The following RAP1GAP2 variants were observed in gnomAD, a reference collection of about 807,000 sequenced individuals.
RAP1GAP2 encodes the protein RAP1 GTPase activating protein 2.
Under a neutral mutation model 95.0 loss-of-function variants are expected in RAP1GAP2, and 27 were observed. That is an observed-to-expected ratio of 0.28 (90% CI 0.21 to 0.39). The LOEUF (loss-of-function observed/expected upper bound fraction) is 0.39. RAP1GAP2 is among the 10% of genes least tolerant of loss of function. The pLI is 1.00. For synonymous variants in RAP1GAP2, 373 were observed against 380.9 expected, an observed-to-expected ratio of 0.98 and a Z score of 0.24; for missense variants, 771 against 970.0, an observed-to-expected ratio of 0.79 and a Z score of 2.72.
chr17:2,802,537 C>G (rs1057465692), intron 2 of RAP1GAP2, among the ~76,000 whole-genome samples: 2 of 152,116 alleles, frequency 1.3e-5, no homozygotes, highest in Admixed American at 6.6e-5. Context: ...TGGTGAAACC[C>G]TATCTCTGCT....
intron 2 of RAP1GAP2, among the ~76,000 whole-genome samples, chr17:2,869,543 C>G (rs959447270): frequency 6.6e-6 from 1 of 152,092 alleles, no homozygotes; most frequent in Non-Finnish European, 1.5e-5. Context: ...TGGTTCTCGC[C>G]TGGTCTCTGT....
chr17:2,905,364 T>C lies in RAP1GAP2; in HGVS notation c.161T>C (p.Met54Thr), dbSNP rs1479671895. Residue 54 changes from methionine (M) to threonine (T), a missense_variant, in exon 3 of 25, where the codon ATG becomes ACG. Transcript: ENST00000254695. ...CCTCCTCTCACGGCACCTCCCACCA[T>C]GAAGGTAAGAGGCTTCGATTCAGGA... Reference protein sequence around the residue: ...LSPPLTAPPTMKSSEFFEMLE... With the variant: ...LSPPLTAPPTTKSSEFFEMLE... 5.6e-6 allele frequency: 9 copies of C among 1,613,192 alleles called. No individual in the cohort carries two copies. The highest frequency in any genetic ancestry group is 7.6e-6 in the Non-Finnish European group (9 of 1,179,446).
At chr17:2,778,024 GGGAGGCT>G in intron 1 of RAP1GAP2, among the ~76,000 whole-genome samples, 1 of 103,952 alleles carries the variant, frequency 9.6e-6, no homozygotes, top group African/African-American at 3.9e-5. Flanking sequence ...CGGGGAGGCT[GGGAGGCT>G]GGGAGGCGGG....
chr17:2,878,672 G>A (rs2073175691), intron 2 of RAP1GAP2, among the ~76,000 whole-genome samples: 1 of 152,210 alleles, frequency 6.6e-6, no homozygotes, highest in Admixed American at 6.5e-5. Flanking sequence ...CCTGAAGGAG[G>A]CGGCAGCCTG....
chr17:2,796,238 A>G (rs995212978), upstream of RAP1GAP2, among the ~76,000 whole-genome samples: 4 of 152,102 alleles, frequency 2.6e-5, no homozygotes, highest in Admixed American at 6.5e-5. The surrounding 1 kb of genome is among the most constrained non-coding windows in gnomAD (Gnocchi z 4.7). Context: ...CTGTGGAGCA[A>G]TCTGCCAGCC....
chr17:2,985,097 A>T (rs1012307286), intron 11 of RAP1GAP2, 31 bp downstream of exon 11: 43 of 1,612,522 alleles, frequency 2.7e-5, no homozygotes, highest in Non-Finnish European at 3.6e-5. Context: ...CGGTGACTGT[A>T]TCCCGTGGTT....
chr17:2,967,787 G>A (rs1031705010), intron 8 of RAP1GAP2, among the ~76,000 whole-genome samples: 34 of 152,284 alleles, frequency 2.2e-4, no homozygotes, highest in Non-Finnish European at 1.2e-4. Flanking sequence ...CCCTGCTGGC[G>A]GTGACTACTG....
chr17:2,758,038 T>G (rs8072631), intron 1 of RAP1GAP2, among the ~76,000 whole-genome samples: 27,737 of 150,754 alleles, frequency 0.18, 2,696 homozygotes, highest in East Asian at 0.3. Context: ...CCAGGCTAAT[T>G]TTTTGTATTT....
At chr17:3,026,260 T>G (rs1597904973) in intron 20 of RAP1GAP2, 90 bp from the exon 21 acceptor site, 2 of 1,328,880 alleles carry the variant, frequency 1.5e-6, no homozygotes, top group East Asian at 5.0e-5. Context: ...GGTGGGGGCG[T>G]GGGGAGCCGC....
chr17:2,862,128 G>A (rs1368038474), intron 2 of RAP1GAP2, among the ~76,000 whole-genome samples: 1 of 152,128 alleles, frequency 6.6e-6, no homozygotes, highest in Non-Finnish European at 1.5e-5. Context: ...TTTGGGACCC[G>A]TAGACGTGAG....
intron 2 of RAP1GAP2, among the ~76,000 whole-genome samples, chr17:2,883,388 G>A (rs751326127): frequency 7.2e-5 from 11 of 152,270 alleles, no homozygotes; most frequent in Admixed American, 3.9e-4. Flanking sequence ...CAGCCTTTGC[G>A]GTTCCCTTTC....
chr17:2,793,440 C>T (rs2068982091), upstream of RAP1GAP2, among the ~76,000 whole-genome samples: 1 of 152,200 alleles, frequency 6.6e-6, no homozygotes, highest in Admixed American at 6.5e-5. Flanking sequence ...AGGCGTGAAC[C>T]ACTGCACCCG....
intron 3 of RAP1GAP2, among the ~76,000 whole-genome samples, chr17:2,948,059 C>T (rs1040853990): frequency 4.6e-5 from 7 of 152,074 alleles, no homozygotes; most frequent in Admixed American, 2.0e-4. Flanking sequence ...TTGGGGTGGG[C>T]GGGAATAACG....
chr17:3,027,778 A>C lies in RAP1GAP2; in HGVS notation c.2107+708A>C, dbSNP rs1338844402. On this transcript the variant is annotated intron_variant, in intron 22 of 24. Coordinates refer to ENST00000254695, the MANE Select transcript of RAP1GAP2 (RefSeq NM_015085.5). This position sits in a 1 kb window ranked among gnomAD's most constrained non-coding sequence, Gnocchi z 5.2. ...TTAGTAGAGAGCAGGAGCAGAGGGG[A>C]GGGATGGAGGGGAGGGGAGAGGAGG... 7.4e-5 allele frequency among the ~76,000 whole-genome samples: 1 copy of C among 13,440 alleles called. No homozygotes were observed. Among genetic ancestry groups the C allele is most frequent in the African/African-American group, 3.1e-4 (1 of 3,268 alleles). 8.8% of individuals were successfully genotyped at this position (13,440 alleles called of 152,430 possible). A position where few individuals can be genotyped will look rare whatever the true frequency, so the allele number is the denominator to read the frequency against.
At chr17:2,864,079 G>A (rs566107144) in intron 2 of RAP1GAP2, among the ~76,000 whole-genome samples, 5 of 84,540 alleles carry the variant, frequency 5.9e-5, no homozygotes, top group East Asian at 7.2e-4. Flanking sequence ...CAGTGGCGGC[G>A]GGAGCCCCCG....
intron 2 of RAP1GAP2, among the ~76,000 whole-genome samples, chr17:2,890,040 G>A (rs2073656917): frequency 6.6e-6 from 1 of 151,526 alleles, no homozygotes; most frequent in Non-Finnish European, 1.5e-5. Flanking sequence ...TGTTCTGTAG[G>A]TTGGGTTAGA....
At chr17:3,028,631 C>T (rs1394482970) in intron 22 of RAP1GAP2, among the ~76,000 whole-genome samples, 1 of 152,098 alleles carries the variant, frequency 6.6e-6, no homozygotes, top group Non-Finnish European at 1.5e-5. Context: ...CAGCCAGTGA[C>T]CCTTTGCATG....
chr17:2,973,572 T>C (rs1016856215), intron 8 of RAP1GAP2, among the ~76,000 whole-genome samples: 12 of 152,082 alleles, frequency 7.9e-5, no homozygotes, highest in African/African-American at 2.9e-4. Context: ...ATTGTAGAAA[T>C]AAACAACAAC....
At chr17:2,951,498 C>T (rs1316816216) in intron 3 of RAP1GAP2, among the ~76,000 whole-genome samples, 2 of 152,108 alleles carry the variant, frequency 1.3e-5, no homozygotes, top group African/African-American at 4.8e-5. Context: ...GCGGGAGGAT[C>T]GCTTGAGCTC....
Sources: gnomAD v4.1 joint callset for allele counts (sites outside exome capture counted in the v4.1 genomes callset) on GRCh38, gnomAD v4.1.1 for gene constraint, Gnocchi (gnomAD v3.1) non-coding constraint, MANE v1.5 for transcripts, NCBI Gene and HGNC (gene_info 2026-07-23, HGNC 2026-07-21) for gene names.